TMED8: variants seen among roughly 807,000 people sequenced by gnomAD.
TMED8 encodes transmembrane p24 trafficking protein family member 8.
In TMED8, 15 loss-of-function variants were observed where a neutral mutation model predicts 32.7. The observed-to-expected ratio is 0.46, with a 90% CI of 0.31 to 0.71. The LOEUF (loss-of-function observed/expected upper bound fraction) is 0.71. TMED8 is among the 30% of genes least tolerant of loss of function. The pLI, the probability that TMED8 is intolerant of heterozygous loss-of-function variation, is 0.06. For missense variants in TMED8, 390 were observed against 423.9 expected (o/e 0.92, Z 0.70); for synonymous variants, 147 against 161.4 (o/e 0.91, Z 0.68).
At chr14:77,367,031 G>C (rs557946162) in intron 1 of TMED8, among the ~76,000 whole-genome samples, 1 of 152,058 alleles carries the variant, frequency 6.6e-6, no homozygotes, top group African/African-American at 2.4e-5. Flanking sequence ...GATGGCTTGA[G>C]GTCAGGAGTT....
chr14:77,362,645 T>C (rs1316303316), intron 1 of TMED8, among the ~76,000 whole-genome samples: 1 of 152,080 alleles, frequency 6.6e-6, no homozygotes, highest in African/African-American at 2.4e-5. Context: ...TAAGCTTGAA[T>C]GTAAATGGAT....
intron 1 of TMED8, among the ~76,000 whole-genome samples, chr14:77,366,655 T>C (rs943959223): frequency 2.6e-5 from 4 of 152,246 alleles, no homozygotes; most frequent in African/African-American, 4.8e-5. Context: ...TCTACCTTTA[T>C]TCTGATCATC....
Position 77,376,310 on chromosome 14 carries a change from C to T in TMED8, c.118+626G>A, listed in dbSNP as rs1893813631. On this transcript the variant is annotated intron_variant, in intron 1 of 5. Transcript: ENST00000216468. This position sits in a 1 kb window ranked among gnomAD's most constrained non-coding sequence, Gnocchi z 4.0. ...TTTTTAATTCCTGCTCTTGCTTTGGCTACTGTGTTCAAGCAAAAGACCCCA... is the reference window on the plus strand; with the variant it reads ...TTTTTAATTCCTGCTCTTGCTTTGGTTACTGTGTTCAAGCAAAAGACCCCA... 6.6e-6 allele frequency among the ~76,000 whole-genome samples: 1 copy of T among 152,198 alleles called. No individual in the cohort carries two copies. Among genetic ancestry groups the T allele is most frequent in the South Asian group, 2.1e-4 (1 of 4,836 alleles).
intron 4 of TMED8, 57 bp from the exon 5 acceptor site, chr14:77,343,540 G>A: frequency 4.4e-6 from 7 of 1,592,948 alleles, no homozygotes; most frequent in Middle Eastern, 3.6e-4. Flanking sequence ...AGTACCCCGG[G>A]CATTTTGCTA....
chr14:77,346,544 CT>C, intron 2 of TMED8, 66 bp from the exon 3 acceptor site: 1 of 1,599,446 alleles, frequency 6.3e-7, no homozygotes, highest in Non-Finnish European at 8.5e-7. Context: ...CCTGGAGAAA[CT>C]TTGAAATAAA....
chr14:77,369,261 C>T (rs1248476212), intron 1 of TMED8, among the ~76,000 whole-genome samples: 2 of 152,202 alleles, frequency 1.3e-5, no homozygotes, highest in African/African-American at 4.8e-5. Flanking sequence ...TCTTTAAAAA[C>T]TTTAAAATAA....
rs1324787405 is a variant in TMED8 at position 77,336,499 on chromosome 14, C to T, written c.*5272G>A. On this transcript the variant is annotated 3_prime_UTR_variant, in exon 6 of 6. Transcript: ENST00000216468. ...GTTTTCTTAGCTTAGAAATTTCTTACCTTAAGAATTCAAACAGGAGGGGCT... is the reference window on the plus strand; with the variant it reads ...GTTTTCTTAGCTTAGAAATTTCTTATCTTAAGAATTCAAACAGGAGGGGCT... 1 of 152,128 alleles carries T rather than the reference C, an allele frequency of 6.6e-6. No homozygotes were observed. Among genetic ancestry groups the T allele is most frequent in the Admixed American group, 6.6e-5 (1 of 15,266 alleles). The allele number at this position is 152,128 out of a possible 1,614,324, so 9.4% of individuals were successfully genotyped here.
intron 1 of TMED8, among the ~76,000 whole-genome samples, chr14:77,364,619 T>C (rs904250558): frequency 6.6e-6 from 1 of 152,034 alleles, no homozygotes; most frequent in Non-Finnish European, 1.5e-5. Context: ...CCTCAAACTC[T>C]TGGGCTCAAG....
In TMED8 at chr14:77,339,510, A is replaced by G. The variant is rs1892842117; in HGVS notation, c.*2261T>C. On this transcript the variant is annotated 3_prime_UTR_variant, in exon 6 of 6. Transcript: ENST00000216468. Reference sequence around the variant, plus strand: ...TCAATTTGAGAGAAAGGCAGAAGTTAATAATAAACAGGAAAAATAAGCAAG... The same window carrying G: ...TCAATTTGAGAGAAAGGCAGAAGTTGATAATAAACAGGAAAAATAAGCAAG... The G allele has an allele frequency of 1.3e-5, 2 of 152,248 alleles. No homozygotes were observed. The highest frequency in any genetic ancestry group is 4.1e-4 in the South Asian group (2 of 4,834). 9.4% of individuals were successfully genotyped at this position (152,248 alleles called of 1,614,324 possible).
chr14:77,364,654 A>G (rs1893510620), intron 1 of TMED8, among the ~76,000 whole-genome samples: 1 of 152,276 alleles, frequency 6.6e-6, no homozygotes, highest in South Asian at 2.1e-4. Flanking sequence ...CAGCCTCCCA[A>G]GTAGCTGAGA....
chr14:77,357,400 A>AT (rs1374575663), intron 1 of TMED8, among the ~76,000 whole-genome samples: 1 of 152,260 alleles, frequency 6.6e-6, no homozygotes, highest in East Asian at 1.9e-4. Flanking sequence ...ACAGGATTTC[A>AT]TTAAAAACTA....
intron 1 of TMED8, among the ~76,000 whole-genome samples, chr14:77,372,809 G>A (rs990457693): frequency 1.3e-5 from 2 of 148,958 alleles, no homozygotes; most frequent in Admixed American, 6.7e-5. Flanking sequence ...AAAACATCAA[G>A]GCTGTTTGTC....
chr14:77,372,359 AG>A (rs1303598976), intron 1 of TMED8, among the ~76,000 whole-genome samples: 12 of 152,228 alleles, frequency 7.9e-5, no homozygotes, highest in Non-Finnish European at 1.5e-5. Flanking sequence ...ACCAAAAAGC[AG>A]GTTTTTTTCA....
At chr14:77,358,181 TCACACACACA>T (rs75880149) in intron 1 of TMED8, among the ~76,000 whole-genome samples, 29 of 145,408 alleles carry the variant, frequency 2.0e-4, no homozygotes, top group Admixed American at 3.5e-4. Flanking sequence ...ATGTAATATA[TCACACACACA>T]CACACACACA....
chr14:77,352,666 G>A (rs979504505), intron 1 of TMED8, among the ~76,000 whole-genome samples: 10 of 151,998 alleles, frequency 6.6e-5, no homozygotes, highest in African/African-American at 2.2e-4. Context: ...TTGAACCCAG[G>A]AGGTGGAGGT....
rs1451182175 is a variant in TMED8, at chr14:77,341,919, A to G, written c.830T>C (p.Met277Thr). The change falls in exon 6 of 6, where the codon ATG becomes ACG. Residue 277 changes from methionine (M) to threonine (T), a missense_variant. By Grantham distance (81) the Met-to-Thr change is moderately conservative (BLOSUM62 -1). Coordinates refer to ENST00000216468, the MANE Select transcript of TMED8 (RefSeq NM_213601.3). ...SSLRGRYGEV[M>T]PVYRRDSHRD... ...GTGGCTGTCCCGCCGGTACACAGGC[A>G]TGACCTCCCCATAGCGACCCCGCAA... 2 of 1,613,872 alleles carry G rather than the reference A, an allele frequency of 1.2e-6. No homozygotes were observed. Among genetic ancestry groups the G allele is most frequent in the African/African-American group, 2.7e-5 (2 of 74,904 alleles).
intron 5 of TMED8, 46 bp from the exon 6 acceptor site, chr14:77,342,034 G>T (rs1323818251): frequency 6.4e-7 from 1 of 1,567,512 alleles, no homozygotes; most frequent in Non-Finnish European, 8.7e-7. Flanking sequence ...CGTAAGTCCT[G>T]CCTGAAGGTG....
intron 1 of TMED8, among the ~76,000 whole-genome samples, chr14:77,365,220 G>T (rs1460915854): frequency 6.6e-6 from 1 of 152,116 alleles, no homozygotes; most frequent in Non-Finnish European, 1.5e-5. Context: ...AAATTCAACA[G>T]AACTTTACTG....
At chr14:77,363,105 C>G (rs1043148448) in intron 1 of TMED8, among the ~76,000 whole-genome samples, 1 of 152,184 alleles carries the variant, frequency 6.6e-6, no homozygotes, top group Admixed American at 6.5e-5. Flanking sequence ...TAGGCTTGAA[C>G]TACACTTAGG....
Sources: allele counts gnomAD v4.1 joint callset (sites outside exome capture counted in the v4.1 genomes callset), GRCh38; gene constraint gnomAD v4.1.1; non-coding constraint Gnocchi (gnomAD v3.1); transcripts MANE v1.5; gene names NCBI Gene and HGNC (gene_info 2026-07-23, HGNC 2026-07-21).